The following PARD3 variants were observed in gnomAD, a reference collection of about 807,000 sequenced individuals.
PARD3 encodes par-3 family cell polarity regulator, also known as partitioning defective 3 homolog.
Under a neutral mutation model 155.4 loss-of-function variants are expected in PARD3, and 75 were observed. That is an observed-to-expected ratio of 0.48 (90% CI 0.40 to 0.58). The LOEUF is 0.58. Ranked by LOEUF, PARD3 falls within the 20% of genes least tolerant of loss-of-function variation. The pLI is 0.00. For synonymous variants in PARD3, 576 were observed against 610.5 expected, an observed-to-expected ratio of 0.94 and a Z score of 0.83; for missense variants, 1,642 against 1,721.7, an observed-to-expected ratio of 0.95 and a Z score of 0.82.
chr10:34,476,159 C>A (rs2078690690), intron 3 of PARD3, among the ~76,000 whole-genome samples: 1 of 152,114 alleles, frequency 6.6e-6, no homozygotes. Flanking sequence ...TAAAAAGGAA[C>A]CACTGAGCTT....
intron 5 of PARD3, among the ~76,000 whole-genome samples, chr10:34,438,322 T>C (rs1017680962): frequency 6.6e-6 from 1 of 152,208 alleles, no homozygotes; most frequent in African/African-American, 2.4e-5. Context: ...CTTGGTCCTT[T>C]AGTTTATAAT....
chr10:34,399,333 C>T lies in PARD3; in HGVS notation c.887G>A (p.Gly296Asp). The T allele has an allele frequency of 1.9e-6, 3 of 1,594,978 alleles. No homozygotes were observed. Among genetic ancestry groups the T allele is most frequent in the Non-Finnish European group, 1.7e-6 (2 of 1,162,614 alleles). Residue 296 changes from glycine to aspartate, a missense_variant, in exon 7 of 25, where the codon GGC (glycine) becomes GAC (aspartate). Gly to Asp is a moderately conservative substitution (Grantham distance 94). Coordinates refer to ENST00000374788, the MANE Select transcript of PARD3 (RefSeq NM_001184785.2). Reference protein sequence around the residue: ...IHVVPFSARGGRTLGLLVKRL... With the variant: ...IHVVPFSARGDRTLGLLVKRL... ...AAAAACCTCCAAGATACGTTACCTG[C>T]CGCCTCGAGCACTGAAAGGCACTAC...
chr10:34,188,364 T>C (rs902319351), intron 22 of PARD3, among the ~76,000 whole-genome samples: 5 of 152,206 alleles, frequency 3.3e-5, no homozygotes, highest in African/African-American at 4.8e-5. Flanking sequence ...AACTCAGGAA[T>C]GTGTCTCCCA....
intron 2 of PARD3, among the ~76,000 whole-genome samples, chr10:34,552,864 G>A (rs980846535): frequency 6.6e-5 from 10 of 151,868 alleles, no homozygotes; most frequent in African/African-American, 2.4e-4. Context: ...AAATACATTG[G>A]TACAAAAGTA....
intron 22 of PARD3, among the ~76,000 whole-genome samples, chr10:34,154,481 A>G (rs568860247): frequency 1.3e-5 from 2 of 152,306 alleles, no homozygotes; most frequent in East Asian, 1.9e-4. Flanking sequence ...TGAGCAAGGG[A>G]GGATACAAAC....
chr10:34,453,969 T>TA (rs1434638378), intron 4 of PARD3, among the ~76,000 whole-genome samples: 2 of 152,246 alleles, frequency 1.3e-5, no homozygotes, highest in Non-Finnish European at 2.9e-5. Context: ...TTCACTCTCA[T>TA]AACAAAGGAA....
At chr10:34,520,625 C>T (rs891762704) in intron 2 of PARD3, among the ~76,000 whole-genome samples, 9 of 152,144 alleles carry the variant, frequency 5.9e-5, no homozygotes, top group African/African-American at 2.2e-4. Flanking sequence ...GTGGCCCATA[C>T]CGTCTCTTTC....
chr10:34,138,682 T>C (rs1413652195), intron 22 of PARD3, among the ~76,000 whole-genome samples: 4 of 152,178 alleles, frequency 2.6e-5, no homozygotes, highest in African/African-American at 9.7e-5. Flanking sequence ...ATCCACTACT[T>C]ACAAAAGCAC....
At chr10:34,545,546 A>T in intron 2 of PARD3, among the ~76,000 whole-genome samples, 1 of 152,162 alleles carries the variant, frequency 6.6e-6, no homozygotes, top group East Asian at 1.9e-4. Flanking sequence ...GAGACTAATT[A>T]AACAAACGAC....
At chr10:34,431,501 G>A (rs1392567392) in intron 5 of PARD3, among the ~76,000 whole-genome samples, 1 of 152,172 alleles carries the variant, frequency 6.6e-6, no homozygotes, top group East Asian at 1.9e-4. Flanking sequence ...CAGCACTTTG[G>A]GAGGCCAAGG....
chr10:34,665,692 G>T (rs1210800730), intron 2 of PARD3, among the ~76,000 whole-genome samples: 4 of 151,990 alleles, frequency 2.6e-5, no homozygotes, highest in Non-Finnish European at 5.9e-5. Flanking sequence ...ACAGAAATTA[G>T]CCTGGCATGG....
chr10:34,229,149 C>T (rs1294408905), intron 22 of PARD3, among the ~76,000 whole-genome samples: 1 of 152,132 alleles, frequency 6.6e-6, no homozygotes, highest in East Asian at 1.9e-4. Flanking sequence ...AGCCCAGCTT[C>T]TCAGCATCAG....
At chr10:34,310,868 T>G (rs2134085411) in intron 20 of PARD3, among the ~76,000 whole-genome samples, 1 of 152,364 alleles carries the variant, frequency 6.6e-6, no homozygotes, top group South Asian at 2.1e-4. Context: ...AAAACAGAGC[T>G]GTTCTTTGTC....
intron 1 of PARD3, among the ~76,000 whole-genome samples, chr10:34,779,585 C>T (rs560129083): frequency 6.6e-6 from 1 of 152,180 alleles, no homozygotes; most frequent in Non-Finnish European, 1.5e-5. Context: ...CACGCCACTG[C>T]ACTCCAGCCT....
In PARD3 at chr10:34,399,347, G is replaced by GA; in HGVS notation, c.872dup (p.Ser292GlnfsTer20). On this transcript the variant is annotated frameshift_variant, in exon 7 of 25. Coordinates refer to ENST00000374788, the MANE Select transcript of PARD3 (RefSeq NM_001184785.2). LOFTEE classifies it high-confidence loss of function. ...TACGTTACCTGCCGCCTCGAGCACT[G>GA]AAAGGCACTACGTGGATTCCCAGAG... is the stretch of plus-strand genomic sequence containing the variant. 1.2e-6 allele frequency: 2 copies of GA among 1,608,246 alleles called. No homozygotes were observed. The highest frequency in any genetic ancestry group is 1.7e-6 in the Non-Finnish European group (2 of 1,174,702).
intron 1 of PARD3, among the ~76,000 whole-genome samples, chr10:34,706,934 C>G (rs547416482): frequency 6.6e-6 from 1 of 151,930 alleles, no homozygotes; most frequent in Non-Finnish European, 1.5e-5. Flanking sequence ...ACAGTGAGAT[C>G]CTGTCTCCAC....
intron 5 of PARD3, among the ~76,000 whole-genome samples, chr10:34,403,249 A>G (rs1376903520): frequency 6.6e-6 from 1 of 152,224 alleles, no homozygotes; most frequent in Non-Finnish European, 1.5e-5. Flanking sequence ...TATTACATAA[A>G]TTTGACAATG....
intron 2 of PARD3, among the ~76,000 whole-genome samples, chr10:34,669,389 G>A (rs116670025): frequency 1.5e-3 from 230 of 152,264 alleles, no homozygotes; most frequent in African/African-American, 5.3e-3. Flanking sequence ...ACTTATAAAT[G>A]GGAGCTAAAT....
chr10:34,755,983 T>C (rs1836661709), intron 1 of PARD3, among the ~76,000 whole-genome samples: 1 of 151,986 alleles, frequency 6.6e-6, no homozygotes, highest in African/African-American at 2.4e-5. Flanking sequence ...AAGATGCCCA[T>C]GGTCCTTTAC....
Sources: allele counts gnomAD v4.1 joint callset (sites outside exome capture counted in the v4.1 genomes callset), GRCh38; gene constraint gnomAD v4.1.1; transcripts MANE v1.5; gene names NCBI Gene and HGNC (gene_info 2026-07-23, HGNC 2026-07-21).